Variants in CRISPLD1 observed in about 807,000 individuals in gnomAD.
The protein encoded by CRISPLD1 is cysteine rich secretory protein LCCL domain containing 1.
CRISPLD1 carries 60 observed loss-of-function variants against 77.5 expected under a neutral mutation model. The observed-to-expected ratio is 0.77, with a 90% CI of 0.63 to 0.96. CRISPLD1 has a LOEUF of 0.96. Among genes scored for constraint, CRISPLD1 ranks in the 40% least tolerant of loss-of-function variants. The pLI is 0.00. For synonymous variants in CRISPLD1, 195 were observed against 200.1 expected (o/e 0.97, Z 0.22); for missense variants, 623 against 615.8 (o/e 1.01, Z -0.12).
intron 2 of CRISPLD1, chr8:75,000,554 CCCTGTTTTCTTTGT>C: frequency 2.8e-6 from 1 of 355,446 alleles, no homozygotes; most frequent in Non-Finnish European, 3.9e-6. Flanking sequence ...CTATTGCCCT[CCCTGTTTTCTTTGT>C]AATGAATTTC....
At chr8:75,009,441 G>C (rs974148516) in intron 2 of CRISPLD1, among the ~76,000 whole-genome samples, 1 of 152,056 alleles carries the variant, frequency 6.6e-6, no homozygotes, top group African/African-American at 2.4e-5. Flanking sequence ...CAAGGGAAGA[G>C]GGGGGAATTC....
At chr8:74,985,388 T>C (rs890550105) in intron 1 of CRISPLD1, among the ~76,000 whole-genome samples, 5 of 152,194 alleles carry the variant, frequency 3.3e-5, no homozygotes, top group Admixed American at 2.6e-4. Context: ...TGGATGCATA[T>C]ATGAATAGCC....
At chr8:74,989,522 G>A (rs892438860) in intron 2 of CRISPLD1, among the ~76,000 whole-genome samples, 6 of 147,862 alleles carry the variant, frequency 4.1e-5, no homozygotes, top group African/African-American at 7.7e-5. Flanking sequence ...AACCTTATAT[G>A]TTTATTGGCC....
At chr8:74,991,301 C>T (rs927082062) in intron 2 of CRISPLD1, among the ~76,000 whole-genome samples, 2 of 152,040 alleles carry the variant, frequency 1.3e-5, no homozygotes, top group Non-Finnish European at 2.9e-5. Flanking sequence ...AGTCTTTGTA[C>T]CTACTTTACT....
intron 10 of CRISPLD1, among the ~76,000 whole-genome samples, chr8:75,018,122 C>T (rs754564336): frequency 6.6e-6 from 1 of 152,092 alleles, no homozygotes; most frequent in Non-Finnish European, 1.5e-5. Flanking sequence ...ATACAGAACT[C>T]CTTTTCTTAG....
At chr8:74,994,657 G>C (rs1378614) in intron 2 of CRISPLD1, among the ~76,000 whole-genome samples, 141,676 of 152,212 alleles carry the variant, frequency 0.93, 66,056 homozygotes, top group East Asian at 1. Context: ...AACGCAATCT[G>C]CTTCCTCCCT....
In CRISPLD1 at chr8:74,986,106, T is replaced by G; in HGVS notation, c.119T>G (p.Met40Arg). Residue 40 changes from methionine (M) to arginine (R), a missense_variant, in exon 2 of 15, where the codon ATG becomes AGG. By Grantham distance (91) the Met-to-Arg change is moderately conservative. Coordinates refer to ENST00000262207, the MANE Select transcript of CRISPLD1 (RefSeq NM_031461.6). ...TLLEKLLEKY[M>R]DEDGEWWIAK... ...TTGGAGAAACTTTTGGAAAAATACA[T>G]GGATGAGGATGGTGAGTGGTGGATA... 6.2e-7 allele frequency: 1 copy of G among 1,613,964 alleles called. No homozygotes were observed. The highest frequency in any genetic ancestry group is 8.5e-7 in the Non-Finnish European group (1 of 1,180,002).
At position 75,016,865 on chromosome 8, in the gene CRISPLD1, A is replaced by AT; in HGVS notation, c.869-9dup. ...TTTATATTATTTAAGTTATTTAGGT[A>AT]TTTTTTTCTTTGTAGCCCAAATTGT... is the stretch of plus-strand genomic sequence containing the variant. On this transcript the variant is annotated splice_polypyrimidine_tract_variant and intron_variant, in intron 7 of 14. Transcript: ENST00000262207. 7 of 1,556,036 alleles carry AT rather than the reference A, an allele frequency of 4.5e-6. No individual in the cohort carries two copies. Among genetic ancestry groups the AT allele is most frequent in the Admixed American group, 1.8e-5 (1 of 54,998 alleles).
chr8:75,013,104 T>G, intron 4 of CRISPLD1, 82 bp downstream of exon 4: 1 of 1,218,216 alleles, frequency 8.2e-7, no homozygotes, highest in Admixed American at 2.8e-5. Flanking sequence ...TGAACTTGTC[T>G]TTCTTATTTA....
intron 2 of CRISPLD1, among the ~76,000 whole-genome samples, chr8:74,997,203 A>G (rs1350144366): frequency 1.3e-5 from 2 of 152,148 alleles, no homozygotes; most frequent in Admixed American, 6.5e-5. Flanking sequence ...TTAAGAGGCT[A>G]TTGCTATATT....
intron 14 of CRISPLD1, among the ~76,000 whole-genome samples, chr8:75,030,586 A>G (rs1052658635): frequency 1.3e-5 from 2 of 152,082 alleles, no homozygotes; most frequent in Non-Finnish European, 2.9e-5. Context: ...AGTACCTACT[A>G]TGAATATTCC....
At chr8:75,018,217 C>G (rs1385992673) in intron 10 of CRISPLD1, among the ~76,000 whole-genome samples, 1 of 152,038 alleles carries the variant, frequency 6.6e-6, no homozygotes, top group Non-Finnish European at 1.5e-5. Flanking sequence ...ACTATAAAAA[C>G]TATTAGGAAC....
chr8:75,009,129 G>T (rs1363655473), intron 2 of CRISPLD1, among the ~76,000 whole-genome samples: 1 of 152,082 alleles, frequency 6.6e-6, no homozygotes, highest in African/African-American at 2.4e-5. Flanking sequence ...CAGCTGGATA[G>T]TCCTCACTTG....
chr8:75,019,155 T>C (rs766065498), intron 10 of CRISPLD1, among the ~76,000 whole-genome samples: 11 of 152,156 alleles, frequency 7.2e-5, no homozygotes, highest in East Asian at 1.9e-4. Flanking sequence ...GGACACGTTA[T>C]AGATGATGAA....
chr8:75,023,094 A>G (rs945068774), intron 12 of CRISPLD1, among the ~76,000 whole-genome samples: 2 of 142,092 alleles, frequency 1.4e-5, no homozygotes, highest in African/African-American at 5.4e-5. Flanking sequence ...AAAAAAAAAA[A>G]GTTTACCGGA....
chr8:75,002,543 G>C (rs1812762988), intron 2 of CRISPLD1, among the ~76,000 whole-genome samples: 1 of 151,876 alleles, frequency 6.6e-6, no homozygotes, highest in African/African-American at 2.4e-5. Context: ...TTGTGGGCAG[G>C]ATTAAGGCAA....
chr8:74,987,442 G>A (rs1221248028), intron 2 of CRISPLD1, among the ~76,000 whole-genome samples: 1 of 152,162 alleles, frequency 6.6e-6, no homozygotes, highest in Non-Finnish European at 1.5e-5. Context: ...AAGGATTATT[G>A]TGAAGATAGA....
intron 2 of CRISPLD1, chr8:75,000,296 A>T (rs1023279101): frequency 1.9e-5 from 19 of 985,230 alleles, no homozygotes; most frequent in Non-Finnish European, 2.3e-5. Flanking sequence ...AAATCAAATG[A>T]TAAAAGTGTT....
At chr8:75,028,846 G>A (rs1352833000) in intron 13 of CRISPLD1, among the ~76,000 whole-genome samples, 3 of 151,962 alleles carry the variant, frequency 2.0e-5, no homozygotes, top group African/African-American at 7.3e-5. Flanking sequence ...AAGTTTCTCT[G>A]TGTAGATTAT....
Sources: gnomAD v4.1 joint callset for allele counts (sites outside exome capture counted in the v4.1 genomes callset) on GRCh38, gnomAD v4.1.1 for gene constraint, MANE v1.5 for transcripts, NCBI Gene and HGNC (gene_info 2026-07-23, HGNC 2026-07-21) for gene names.